Variants in COG8 observed in about 807,000 individuals in gnomAD.
COG8 encodes component of oligomeric golgi complex 8, also known as conserved oligomeric Golgi complex subunit 8.
A neutral mutation model predicts 46.5 loss-of-function variants in COG8; 45 were observed. The observed-to-expected ratio is 0.97, with a 90% CI of 0.76 to 1.24. COG8 has a LOEUF of 1.24. Among genes scored for constraint, COG8 ranks in the 50% most tolerant of loss-of-function variants. COG8 has a pLI of 0.00. For synonymous variants in COG8, 407 were observed against 347.8 expected (o/e 1.17, Z -1.90); for missense variants, 793 against 820.8 (o/e 0.97, Z 0.41).
intron 3 of COG8, 50 bp from the exon 4 acceptor site, chr16:69,332,932 G>A: frequency 1.9e-6 from 3 of 1,595,350 alleles, no homozygotes; most frequent in Non-Finnish European, 2.6e-6. Flanking sequence ...TCACCACTGG[G>A]ACAGCAGTGC....
chr16:69,336,464 C>T, intron 2 of COG8, 41 bp downstream of exon 2: 1 of 1,582,052 alleles, frequency 6.3e-7, no homozygotes, highest in South Asian at 1.1e-5. Context: ...TAAATGATTA[C>T]AAGAACATTA....
chr16:69,334,324 G>A (rs2012062155), intron 3 of COG8, among the ~76,000 whole-genome samples, 197 bp downstream of exon 3: 1 of 152,156 alleles, frequency 6.6e-6, no homozygotes, highest in Admixed American at 6.5e-5. Flanking sequence ...GTTACTATAG[G>A]CAAATCACTT....
intron 1 of COG8, among the ~76,000 whole-genome samples, chr16:69,337,122 A>T (rs1317319416): frequency 1.3e-5 from 2 of 152,072 alleles, no homozygotes; most frequent in Non-Finnish European, 2.9e-5. Flanking sequence ...TCTACTAAAA[A>T]TACAAAAAAT....
At position 69,334,575 on chromosome 16, in the gene COG8, G is replaced by A; in HGVS notation, c.1359C>T (p.Cys453=). The change falls in exon 3 of 6, where the codon TGC becomes TGT. Residue 453 remains cysteine, a synonymous_variant. Coordinates refer to ENST00000306875, the MANE Select transcript of COG8 (RefSeq NM_032382.5). ...TCACATCCTGCGCCAGGGCCACAGG[G>A]CAGCAGAGGCGCAGATCATTGAAGG... ...LVAFNDLRLC[C]PVALAQDVTG... 6.2e-7 allele frequency: 1 copy of A among 1,614,196 alleles called. No homozygotes were observed. Among genetic ancestry groups the A allele is most frequent in the South Asian group, 1.1e-5 (1 of 91,088 alleles).
chr16:69,334,916 C>T lies in COG8; in HGVS notation c.1018G>A (p.Gly340Ser), dbSNP rs780027868. Residue 340 changes from glycine to serine, a missense_variant, in exon 3 of 6, where the codon GGC (glycine) becomes AGC (serine). Gly to Ser is a moderately conservative substitution (Grantham distance 56, BLOSUM62 0). Transcript: ENST00000306875. The stretch of plus-strand genomic sequence containing the variant: ...TGGCCCAGCAGAGAGTCCAGGTGGC[C>T]GCCTATGCCCCGGTAAAGGTCGGTC... ...LETDLYRGIG[G>S]HLDSLLGQCM... The T allele has an allele frequency of 3.1e-5, 50 of 1,614,016 alleles. No homozygotes were observed. The highest frequency in any genetic ancestry group is 1.0e-4 in the Admixed American group (6 of 59,982).
At chr16:69,330,594 G>A (rs963626385) in intron 5 of COG8, 13 of 1,421,346 alleles carry the variant, frequency 9.1e-6, no homozygotes, top group Non-Finnish European at 1.0e-5. Context: ...ACAGTGACCC[G>A]GCCCGCCCCT....
rs2011781922 is a variant in COG8 at position 69,330,975 on chromosome 16, T to G, written c.1703A>C (p.Gln568Pro). 1 of 1,598,678 alleles carries G rather than the reference T, an allele frequency of 6.3e-7. No individual in the cohort carries two copies. Among genetic ancestry groups the G allele is most frequent in the Non-Finnish European group, 8.5e-7 (1 of 1,173,278 alleles). Residue 568 changes from glutamine (Q) to proline (P), a missense_variant, in exon 5 of 6, where the codon CAG becomes CCG. Coordinates refer to ENST00000306875, the MANE Select transcript of COG8 (RefSeq NM_032382.5). Reference protein sequence around the residue: ...KRETLFTLDDQALGPELTAPA... With the variant: ...KRETLFTLDDPALGPELTAPA... Reference sequence around the variant, plus strand: ...AGCTGTGAGCTCGGGCCCCAGCGCCTGGTCATCCAGGGTGAAAAGCGTCTC... The same window carrying G: ...AGCTGTGAGCTCGGGCCCCAGCGCCGGGTCATCCAGGGTGAAAAGCGTCTC...
intron 5 of COG8, chr16:69,330,289 C>A (rs2011692531): frequency 2.8e-6 from 4 of 1,430,746 alleles, no homozygotes; most frequent in Non-Finnish European, 3.6e-6. Flanking sequence ...GTTGCGTCAG[C>A]CGCTGCAGCT....
chr16:69,334,163 G>T (rs528612758), intron 3 of COG8, among the ~76,000 whole-genome samples: 1 of 152,320 alleles, frequency 6.6e-6, no homozygotes, highest in African/African-American at 2.4e-5. Flanking sequence ...TGGCAACCCT[G>T]TAAGACCCTG....
intron 1 of COG8, among the ~76,000 whole-genome samples, chr16:69,336,924 T>G (rs1029254629): frequency 1.3e-5 from 2 of 152,146 alleles, no homozygotes; most frequent in African/African-American, 4.8e-5. Context: ...TTAATAAATC[T>G]AACAGATGGA....
At chr16:69,332,285 G>A (rs904351050) in intron 4 of COG8, among the ~76,000 whole-genome samples, 1 of 152,106 alleles carries the variant, frequency 6.6e-6, no homozygotes, top group Non-Finnish European at 1.5e-5. Flanking sequence ...GGGAGGTGGA[G>A]GTTGCAGTGA....
chr16:69,330,358 C>A, intron 5 of COG8: 1 of 1,476,128 alleles, frequency 6.8e-7, no homozygotes, highest in South Asian at 1.3e-5. Context: ...GCACCGGGTC[C>A]CCGACTTGGC....
In COG8 at chr16:69,327,554, G is replaced by A. The variant is rs1395731456; in HGVS notation, c.*1652C>T. The A allele has an allele frequency of 6.6e-6, 1 of 152,024 alleles. No homozygotes were observed. Among genetic ancestry groups the A allele is most frequent in the African/African-American group, 2.4e-5 (1 of 41,386 alleles). 9.4% of individuals were successfully genotyped at this position (152,024 alleles called of 1,614,324 possible). A position where few individuals can be genotyped will look rare whatever the true frequency, so the allele number is the denominator to read the frequency against. On this transcript the variant is annotated 3_prime_UTR_variant, in exon 6 of 6. Coordinates refer to ENST00000306875, the MANE Select transcript of COG8 (RefSeq NM_032382.5). ...GGCCTCAGAGAAAGCCACAAAGGAGGATGGGTCTTTCCTGGGTTCATTTAA... is the reference window on the plus strand; with the variant it reads ...GGCCTCAGAGAAAGCCACAAAGGAGAATGGGTCTTTCCTGGGTTCATTTAA...
At chr16:69,333,463 C>A (rs530832696) in intron 3 of COG8, among the ~76,000 whole-genome samples, 1 of 152,152 alleles carries the variant, frequency 6.6e-6, no homozygotes, top group Non-Finnish European at 1.5e-5. Flanking sequence ...CCACTGCGCC[C>A]GGCCCAATAC....
At chr16:69,335,377 C>T (rs372681370) in intron 2 of COG8, 29 bp from the exon 3 acceptor site, 112 of 1,536,618 alleles carry the variant, frequency 7.3e-5, no homozygotes, top group South Asian at 1.1e-4. Context: ...AGTCACACTG[C>T]GCTGGGAAGG....
intron 1 of COG8, among the ~76,000 whole-genome samples, chr16:69,338,739 C>G (rs1375062453): frequency 1.3e-5 from 2 of 152,208 alleles, no homozygotes; most frequent in Admixed American, 1.3e-4. Context: ...CCTGTAATCC[C>G]AGCGCTTTGG....
intron 5 of COG8, chr16:69,329,849 T>C: frequency 9.9e-7 from 1 of 1,013,424 alleles, no homozygotes; most frequent in Non-Finnish European, 1.4e-6. Context: ...GGAGCTTCTA[T>C]CCGTCCTGAG....
Position 69,334,572 on chromosome 16 carries a change from A to C in COG8, c.1362T>G (p.Pro454=). The C allele has an allele frequency of 6.2e-7, 1 of 1,614,218 alleles. No individual in the cohort carries two copies. The highest frequency in any genetic ancestry group is 8.5e-7 in the Non-Finnish European group (1 of 1,180,044). ...VAFNDLRLCC[P]VALAQDVTGA... is the part of the protein sequence containing the mutation. The stretch of plus-strand genomic sequence containing the variant: ...CAGTCACATCCTGCGCCAGGGCCAC[A>C]GGGCAGCAGAGGCGCAGATCATTGA... The change falls in exon 3 of 6, where the codon CCT becomes CCG. Residue 454 remains proline (P), a synonymous_variant. Coordinates refer to ENST00000306875, the MANE Select transcript of COG8 (RefSeq NM_032382.5).
chr16:69,339,117 C>T, intron 1 of COG8, 59 bp downstream of exon 1: 1 of 1,610,380 alleles, frequency 6.2e-7, no homozygotes, highest in Non-Finnish European at 8.5e-7. Context: ...GTTATTTCTA[C>T]CATCGTAAAT....
Sources: allele counts gnomAD v4.1 joint callset (sites outside exome capture counted in the v4.1 genomes callset), GRCh38; gene constraint gnomAD v4.1.1; transcripts MANE v1.5; gene names NCBI Gene and HGNC (gene_info 2026-07-23, HGNC 2026-07-21).